Variants in SDHAF3 observed in about 807,000 individuals in gnomAD.
SDHAF3 encodes succinate dehydrogenase assembly factor 3, mitochondrial.
Under a neutral mutation model 11.5 loss-of-function variants are expected in SDHAF3, and 18 were observed. That is an observed-to-expected ratio of 1.56 (90% CI 1.08 to 2.32). SDHAF3 has a LOEUF of 2.32. SDHAF3 is among the 30% of genes most tolerant of loss of function. SDHAF3 has a pLI of 0.00. For synonymous variants in SDHAF3, 72 were observed against 59.3 expected (o/e 1.21, Z -0.99); for missense variants, 200 against 154.4 (o/e 1.30, Z -1.57).
chr7:97,178,764 G>A (rs1562833465), intron 1 of SDHAF3, among the ~76,000 whole-genome samples: 1 of 151,902 alleles, frequency 6.6e-6, no homozygotes, highest in Non-Finnish European at 1.5e-5. Context: ...TTTCAGATAC[G>A]ATTTGCAAAT....
chr7:97,123,152 C>A (rs1002493127), intron 1 of SDHAF3, among the ~76,000 whole-genome samples: 1 of 152,188 alleles, frequency 6.6e-6, no homozygotes, highest in South Asian at 2.1e-4. Flanking sequence ...TCTTTCCCCC[C>A]ACCCCCTGAA....
intron 1 of SDHAF3, among the ~76,000 whole-genome samples, chr7:97,166,767 TTTTAGG>T (rs1789512703): frequency 6.6e-6 from 1 of 152,098 alleles, no homozygotes; most frequent in Non-Finnish European, 1.5e-5. Context: ...TAGAATTTTA[TTTTAGG>T]TTTACAGGAA....
At chr7:97,178,560 C>A (rs954704021) in intron 1 of SDHAF3, among the ~76,000 whole-genome samples, 1 of 152,058 alleles carries the variant, frequency 6.6e-6, no homozygotes, top group African/African-American at 2.4e-5. Flanking sequence ...TAGTAGACAT[C>A]TTAGGGTGAA....
At chr7:97,127,984 T>C (rs935140728) in intron 1 of SDHAF3, among the ~76,000 whole-genome samples, 2 of 139,374 alleles carry the variant, frequency 1.4e-5, no homozygotes, top group East Asian at 4.6e-4. Flanking sequence ...CACTGCAACC[T>C]CCTTCTCCTG....
intron 1 of SDHAF3, among the ~76,000 whole-genome samples, chr7:97,167,105 C>T (rs779607882): frequency 4.6e-5 from 7 of 150,750 alleles, no homozygotes; most frequent in East Asian, 2.0e-4. Context: ...GGTGGATTTA[C>T]GTGTAACCAC....
At chr7:97,147,712 C>T (rs1038942828) in intron 1 of SDHAF3, among the ~76,000 whole-genome samples, 5 of 152,086 alleles carry the variant, frequency 3.3e-5, no homozygotes, top group Admixed American at 3.3e-4. Flanking sequence ...AATTTGACAG[C>T]AGATTCTGTT....
At chr7:97,119,935 C>A (rs1028618746) in intron 1 of SDHAF3, among the ~76,000 whole-genome samples, 1 of 152,180 alleles carries the variant, frequency 6.6e-6, no homozygotes, top group African/African-American at 2.4e-5. Context: ...GCACATGATA[C>A]TAACATGACT....
chr7:97,146,417 T>C (rs1396254647), intron 1 of SDHAF3, among the ~76,000 whole-genome samples: 1 of 152,190 alleles, frequency 6.6e-6, no homozygotes, highest in Non-Finnish European at 1.5e-5. Context: ...TCAAAAATTT[T>C]CCAAAATATA....
chr7:97,125,191 A>G (rs957326746), intron 1 of SDHAF3, among the ~76,000 whole-genome samples: 1 of 151,892 alleles, frequency 6.6e-6, no homozygotes, highest in Non-Finnish European at 1.5e-5. Context: ...GCTCCGATTC[A>G]TGGATTTTTT....
Position 97,117,728 on chromosome 7 carries a change from CG to C in SDHAF3, c.9del (p.Arg4GlyfsTer32). Reference sequence around the variant, plus strand: ...CGGCGGTCGGCGTGGGGCGCTATGCCGGGGCGGCACGTTTCTCGAGTCCGGG... The same window carrying C: ...CGGCGGTCGGCGTGGGGCGCTATGCCGGGCGGCACGTTTCTCGAGTCCGGG... M[P>X]GRHVSRVRAL... is the part of the protein sequence containing the mutation. On this transcript the variant is annotated frameshift_variant, in exon 1 of 2. Transcript: ENST00000432641. LOFTEE classifies it high-confidence loss of function. The C allele has an allele frequency of 1.2e-6, 2 of 1,611,928 alleles. No individual in the cohort carries two copies.
At chr7:97,145,844 T>A (rs531517605) in intron 1 of SDHAF3, among the ~76,000 whole-genome samples, 1 of 152,304 alleles carries the variant, frequency 6.6e-6, no homozygotes, top group East Asian at 1.9e-4. Flanking sequence ...AGCCTGATGA[T>A]TCATAGTAAT....
chr7:97,147,978 G>A (rs1051317086), intron 1 of SDHAF3, among the ~76,000 whole-genome samples: 17 of 151,622 alleles, frequency 1.1e-4, no homozygotes, highest in East Asian at 3.9e-4. Context: ...GCAGGCTCAC[G>A]GCAACCTCTC....
chr7:97,171,405 C>G (rs1789600129), intron 1 of SDHAF3, among the ~76,000 whole-genome samples: 2 of 152,144 alleles, frequency 1.3e-5, no homozygotes, highest in Middle Eastern at 3.4e-3. Flanking sequence ...AATAGTAGCA[C>G]AATTTATGCC....
chr7:97,127,072 C>A (rs572089148), intron 1 of SDHAF3, among the ~76,000 whole-genome samples: 2 of 152,310 alleles, frequency 1.3e-5, no homozygotes, highest in South Asian at 4.1e-4. Flanking sequence ...CAACTCCTTG[C>A]GCTTCCTGGG....
At chr7:97,168,145 C>G (rs1487303045) in intron 1 of SDHAF3, among the ~76,000 whole-genome samples, 1 of 152,282 alleles carries the variant, frequency 6.6e-6, no homozygotes, top group South Asian at 2.1e-4. Flanking sequence ...CTAATGAATT[C>G]TGCCCTCATC....
At chr7:97,170,630 T>TC (rs1789590463) in intron 1 of SDHAF3, among the ~76,000 whole-genome samples, 1 of 152,192 alleles carries the variant, frequency 6.6e-6, no homozygotes, top group African/African-American at 2.4e-5. Flanking sequence ...CCTTACTACT[T>TC]CCTTAGCCAA....
intron 1 of SDHAF3, among the ~76,000 whole-genome samples, chr7:97,129,449 C>T (rs1791632029): frequency 6.6e-6 from 1 of 152,186 alleles, no homozygotes. Flanking sequence ...CTGCTAATGG[C>T]TCCATTCTTG....
intron 1 of SDHAF3, among the ~76,000 whole-genome samples, chr7:97,138,076 T>G (rs996966310): frequency 1.3e-5 from 2 of 151,708 alleles, no homozygotes; most frequent in Admixed American, 1.3e-4. Flanking sequence ...CGTTGGCTAG[T>G]CTCGAACTCC....
At chr7:97,142,039 T>C (rs1377435279) in intron 1 of SDHAF3, among the ~76,000 whole-genome samples, 1 of 143,794 alleles carries the variant, frequency 7.0e-6, no homozygotes, top group Non-Finnish European at 1.5e-5. Context: ...TGTGAATTGT[T>C]GTCTTTTTTT....
Sources: allele counts gnomAD v4.1 joint callset (sites outside exome capture counted in the v4.1 genomes callset), GRCh38; gene constraint gnomAD v4.1.1; transcripts MANE v1.5; gene names NCBI Gene and HGNC (gene_info 2026-07-23, HGNC 2026-07-21).